GPC6: variants seen among roughly 807,000 people sequenced by gnomAD.
GPC6 encodes glypican-6.
In GPC6, 14 loss-of-function variants were observed where a neutral mutation model predicts 55.2. That is an observed-to-expected ratio of 0.25 (90% CI 0.17 to 0.40). The LOEUF is 0.40. GPC6 is among the 10% of genes least tolerant of loss of function. The probability of loss-of-function intolerance (pLI) is 1.00; values close to 1 mark genes in which losing one functional copy is unlikely to be tolerated. For synonymous variants in GPC6, 278 were observed against 259.6 expected (o/e 1.07, Z -0.68); for missense variants, 641 against 708.5 (o/e 0.90, Z 1.08).
chr13:93,453,473 T>C (rs1400754289), intron 1 of GPC6, among the ~76,000 whole-genome samples: 2 of 151,792 alleles, frequency 1.3e-5, no homozygotes, highest in Admixed American at 1.3e-4. Flanking sequence ...AAGTAACTTT[T>C]AAGGGAAGTA....
At chr13:94,353,181 G>A (rs939065292) in intron 6 of GPC6, among the ~76,000 whole-genome samples, 2 of 152,132 alleles carry the variant, frequency 1.3e-5, no homozygotes, top group African/African-American at 4.8e-5. Flanking sequence ...TTCCATCACA[G>A]AGCGCGACTT....
At chr13:93,880,763 G>A (rs75916391) in intron 3 of GPC6, among the ~76,000 whole-genome samples, 5,630 of 151,772 alleles carry the variant, frequency 0.037, 283 homozygotes, top group East Asian at 0.17. Flanking sequence ...TCACAGTAAG[G>A]CTGACTAATA....
chr13:94,281,346 C>G (rs574043076), intron 4 of GPC6, among the ~76,000 whole-genome samples: 1 of 152,248 alleles, frequency 6.6e-6, no homozygotes, highest in African/African-American at 2.4e-5. Flanking sequence ...TCTCCCTCCC[C>G]TTCCCTCTCA....
At chr13:94,105,420 T>A (rs920982428) in intron 4 of GPC6, among the ~76,000 whole-genome samples, 1 of 152,186 alleles carries the variant, frequency 6.6e-6, no homozygotes, top group Admixed American at 6.6e-5. Flanking sequence ...CAACAGTGAT[T>A]AGCATAATAC....
intron 2 of GPC6, among the ~76,000 whole-genome samples, chr13:93,817,904 A>C (rs1886914177): frequency 6.7e-6 from 1 of 149,328 alleles, no homozygotes. Flanking sequence ...ATATAAATTT[A>C]TAAAAATTAT....
intron 4 of GPC6, among the ~76,000 whole-genome samples, chr13:94,154,922 C>T (rs559071587): frequency 6.6e-6 from 1 of 152,246 alleles, no homozygotes; most frequent in South Asian, 2.1e-4. Context: ...AAAAAGTACC[C>T]CCCAAAAGCA....
intron 1 of GPC6, among the ~76,000 whole-genome samples, chr13:93,330,697 C>G (rs1018309787): frequency 7.2e-5 from 11 of 152,148 alleles, no homozygotes; most frequent in African/African-American, 2.4e-4. Flanking sequence ...TGGCTGATCT[C>G]GATTCTATTG....
At chr13:93,931,757 C>T (rs1396866300) in intron 3 of GPC6, among the ~76,000 whole-genome samples, 1 of 123,658 alleles carries the variant, frequency 8.1e-6, no homozygotes, top group Non-Finnish European at 1.6e-5. Context: ...GAGCAAGACT[C>T]TGTCTCAGAA....
chr13:93,881,949 C>A (rs1875004935), intron 3 of GPC6, among the ~76,000 whole-genome samples: 1 of 151,840 alleles, frequency 6.6e-6, no homozygotes, highest in African/African-American at 2.4e-5. Flanking sequence ...AAAAAATTAA[C>A]CGAGGAGAGT....
At chr13:93,922,892 C>G (rs1877649651) in intron 3 of GPC6, among the ~76,000 whole-genome samples, 1 of 152,052 alleles carries the variant, frequency 6.6e-6, no homozygotes. Context: ...ATGAAACAGA[C>G]AAGACTCACA....
intron 2 of GPC6, among the ~76,000 whole-genome samples, chr13:93,590,802 A>G (rs960650623): frequency 6.6e-6 from 1 of 152,156 alleles, no homozygotes; most frequent in Non-Finnish European, 1.5e-5. Flanking sequence ...TTGTGGTTAC[A>G]ATTCTTCAGA....
chr13:93,919,130 C>T (rs1272486936), intron 3 of GPC6, among the ~76,000 whole-genome samples: 5 of 152,142 alleles, frequency 3.3e-5, no homozygotes, highest in Non-Finnish European at 7.3e-5. Flanking sequence ...CTCTCTCTTG[C>T]CCCTGCTCTT....
chr13:93,834,567 G>C (rs1315621052), intron 3 of GPC6, among the ~76,000 whole-genome samples: 2 of 152,084 alleles, frequency 1.3e-5, no homozygotes, highest in Non-Finnish European at 2.9e-5. Context: ...TAAGCCAGGT[G>C]CTTGAGGAGT....
At chr13:93,281,150 A>C (rs559268993) in intron 1 of GPC6, among the ~76,000 whole-genome samples, 2 of 152,346 alleles carry the variant, frequency 1.3e-5, no homozygotes, top group Admixed American at 6.5e-5. Context: ...AGATTCTACT[A>C]TATCTGCCAC....
chr13:93,416,816 GAAAAA>G (rs1047088993), intron 1 of GPC6, among the ~76,000 whole-genome samples: 2 of 151,904 alleles, frequency 1.3e-5, no homozygotes, highest in African/African-American at 4.8e-5. Context: ...TGTTATTATA[GAAAAA>G]AACACTGAGG....
chr13:94,357,820 A>G (rs1878869402), intron 6 of GPC6, among the ~76,000 whole-genome samples: 1 of 152,156 alleles, frequency 6.6e-6, no homozygotes, highest in South Asian at 2.1e-4. Flanking sequence ...GTTCTTGTCA[A>G]TGTTGACATC....
At chr13:93,927,218 T>G (rs1267664635) in intron 3 of GPC6, among the ~76,000 whole-genome samples, 3 of 152,200 alleles carry the variant, frequency 2.0e-5, no homozygotes, top group Non-Finnish European at 4.4e-5. Context: ...GGAGAGAATT[T>G]CATTGAGTCT....
chr13:94,219,030 GAA>G (rs1039473576), intron 4 of GPC6, among the ~76,000 whole-genome samples: 2 of 151,884 alleles, frequency 1.3e-5, no homozygotes, highest in African/African-American at 4.8e-5. Context: ...CTCATAGCCT[GAA>G]TTGATTCACA....
chr13:94,083,397 CAT>C (rs1885176439), intron 4 of GPC6, among the ~76,000 whole-genome samples: 1 of 152,150 alleles, frequency 6.6e-6, no homozygotes, highest in Non-Finnish European at 1.5e-5. Context: ...GGATTACAGG[CAT>C]GAGCCACTGC....
Sources: gnomAD v4.1 joint callset for allele counts (sites outside exome capture counted in the v4.1 genomes callset) on GRCh38, gnomAD v4.1.1 for gene constraint, MANE v1.5 for transcripts, NCBI Gene and HGNC (gene_info 2026-07-23, HGNC 2026-07-21) for gene names.